Variants in PTPRF observed in about 807,000 individuals in gnomAD.
PTPRF encodes the protein protein tyrosine phosphatase receptor type F, also known as receptor-type tyrosine-protein phosphatase F.
In PTPRF, 59 loss-of-function variants were observed where a neutral mutation model predicts 201.8. The ratio of observed to expected loss-of-function variants is 0.29; its 90% CI spans 0.24 to 0.36. PTPRF has a LOEUF of 0.36. Among genes scored for constraint, PTPRF ranks in the 10% least tolerant of loss-of-function variants. The probability of loss-of-function intolerance (pLI) is 1.00; values close to 1 mark genes in which losing one functional copy is unlikely to be tolerated. For missense variants in PTPRF, 2,132 were observed against 2,690.5 expected (o/e 0.79, Z 4.59); for synonymous variants, 1,088 against 1,089.7 (o/e 1.00, Z 0.03).
At chr1:43,619,236 T>TC in intron 27 of PTPRF, 34 bp downstream of exon 27, 1 of 430,460 alleles carries the variant, frequency 2.3e-6, no homozygotes, top group Non-Finnish European at 4.6e-6. Context: ...GAGGGGTGGG[T>TC]GGGGTGGGAG....
rs756352829 is a variant in PTPRF at position 43,592,467 on chromosome 1, C to A, written c.1679C>A (p.Thr560Asn). 1 of 1,609,764 alleles carries A rather than the reference C, an allele frequency of 6.2e-7. No homozygotes were observed. The highest frequency in any genetic ancestry group is 1.1e-5 in the South Asian group (1 of 90,386). ...AEDEDQQHKV[T>N]FDPTSSYTLE... is the part of the protein sequence containing the mutation. ...CCCTGCTCTTCCCAGCACAAGGTGA[C>A]CTTCGACCCAACCTCCTCCTACACA... is the stretch of plus-strand genomic sequence containing the variant. Residue 560 changes from threonine to asparagine, a missense_variant, in exon 11 of 34, where the codon ACC becomes AAC. By Grantham distance (65) the Thr-to-Asn change is moderately conservative. Transcript: ENST00000359947.
intron 7 of PTPRF, among the ~76,000 whole-genome samples, chr1:43,580,290 G>A (rs1162658006): frequency 3.3e-5 from 5 of 152,190 alleles, no homozygotes; most frequent in Admixed American, 3.3e-4. Flanking sequence ...GAATTAGGCT[G>A]TCAAGGCTGT....
Position 43,617,565 on chromosome 1 carries a change from G to T in PTPRF, c.4192G>T (p.Asp1398Tyr). The change falls in exon 24 of 34, where the codon GAT (aspartate) becomes TAT (tyrosine). Residue 1398 changes from aspartate (D) to tyrosine (Y), a missense_variant. By Grantham distance (160) the Asp-to-Tyr change is radical. Around this residue, in one of 6 missense-constraint regions of PTPRF, gnomAD observed 818 missense variants for 915.3 expected, o/e 0.89. Transcript: ENST00000359947. ...CTCTCGAGTCATCCTTACCTCTATC[G>T]ATGGTGAGCCAAGGGGGTGCCCCTC... The part of the protein sequence containing the change: ...DHSRVILTSI[D>Y]GVPGSDYINA... 1 of 1,613,816 alleles carries T rather than the reference G, an allele frequency of 6.2e-7. No individual in the cohort carries two copies.
At position 43,619,306 on chromosome 1, in the gene PTPRF, C is replaced by T. The variant is rs971268176; in HGVS notation, c.4665C>T (p.Thr1555=). The T allele has an allele frequency of 5.6e-6, 9 of 1,613,336 alleles. No homozygotes were observed. The African/African-American group carries it at 6.7e-5, about 12-fold the overall frequency. Reference sequence around the variant, plus strand: ...CCTGCAGCGCGGGCGTGGGCCGCACCGGCTGCTTCATCGTGATTGATGCCA... The same window carrying T: ...CCTGCAGCGCGGGCGTGGGCCGCACTGGCTGCTTCATCGTGATTGATGCCA... ...VVHCSAGVGR[T]GCFIVIDAML... Residue 1555 remains threonine (T), a synonymous_variant, in exon 28 of 34, where the codon ACC becomes ACT. Transcript: ENST00000359947.
intron 5 of PTPRF, among the ~76,000 whole-genome samples, chr1:43,557,823 T>A (rs1040916112): frequency 5.1e-4 from 77 of 152,044 alleles, no homozygotes; most frequent in African/African-American, 1.7e-3. Context: ...AGTGAGCCCC[T>A]CCTGCTTCTG....
chr1:43,617,927 C>A lies in PTPRF; in HGVS notation c.4371+16C>A. On this transcript the variant is annotated intron_variant, in intron 25 of 33. Coordinates refer to ENST00000359947, the MANE Select transcript of PTPRF (RefSeq NM_002840.5). ...GAAGTCCCGGGTGAGGCTGCAGGGC[C>A]CTGCCAGGAGGCGGGTGGGAAATGC... 1 of 1,594,232 alleles carries A rather than the reference C, an allele frequency of 6.3e-7. No homozygotes were observed. The highest frequency in any genetic ancestry group is 8.6e-7 in the Non-Finnish European group (1 of 1,165,752).
At chr1:43,618,531 C>T in intron 25 of PTPRF, 99 bp from the exon 26 acceptor site, 1 of 1,451,106 alleles carries the variant, frequency 6.9e-7, no homozygotes, top group Non-Finnish European at 9.3e-7. Context: ...GCTTTGTAGC[C>T]AGAAAGGCTA....
intron 5 of PTPRF, among the ~76,000 whole-genome samples, chr1:43,565,259 G>A (rs557661439): frequency 6.6e-6 from 1 of 152,162 alleles, no homozygotes; most frequent in East Asian, 1.9e-4. Context: ...CTGAACCTTG[G>A]ATTCCCACCA....
At chr1:43,610,075 C>T (rs568280405) in intron 22 of PTPRF, among the ~76,000 whole-genome samples, 1 of 152,298 alleles carries the variant, frequency 6.6e-6, no homozygotes, top group South Asian at 2.1e-4. Context: ...TCTCCTCTTG[C>T]CCACACCCCC....
upstream of PTPRF, among the ~76,000 whole-genome samples, chr1:43,523,769 G>A (rs1337576145): frequency 3.3e-5 from 5 of 152,118 alleles, no homozygotes; most frequent in South Asian, 4.1e-4. Context: ...GGCTGGGGCC[G>A]GGCATGGTGG....
At chr1:43,563,401 C>G (rs1040894093) in intron 5 of PTPRF, among the ~76,000 whole-genome samples, 2 of 151,988 alleles carry the variant, frequency 1.3e-5, no homozygotes, top group African/African-American at 4.8e-5. Flanking sequence ...AGGGAGGTGT[C>G]AAAGAGGCCT....
chr1:43,613,548 T>C, intron 22 of PTPRF, 70 bp from the exon 23 acceptor site: 1 of 1,281,914 alleles, frequency 7.8e-7, no homozygotes, highest in Non-Finnish European at 1.1e-6. Flanking sequence ...CATACATGCG[T>C]TGGGGCTTTC....
chr1:43,606,501 G>A (rs1159013475), intron 20 of PTPRF, 43 bp downstream of exon 20: 1 of 1,561,218 alleles, frequency 6.4e-7, no homozygotes, highest in Admixed American at 1.7e-5. Context: ...TGATTCCCTG[G>A]GCCTGGCCTG....
intron 11 of PTPRF, among the ~76,000 whole-genome samples, chr1:43,593,360 C>G (rs146028661): frequency 6.6e-6 from 1 of 152,164 alleles, no homozygotes; most frequent in African/African-American, 2.4e-5. Context: ...GTGGGCGACT[C>G]TGGCCTGATC....
In PTPRF at chr1:43,591,035, C is replaced by T. The variant is rs1570395886; in HGVS notation, c.1013C>T (p.Thr338Ile). Residue 338 changes from threonine to isoleucine, a missense_variant, in exon 9 of 34, where the codon ACC (threonine) becomes ATC (isoleucine). Physicochemically the swap from Thr to Ile is moderately conservative, Grantham distance 89. This residue lies in a region of PTPRF where 351 missense variants were observed against 401.7 expected (regional missense o/e 0.87). Coordinates refer to ENST00000359947, the MANE Select transcript of PTPRF (RefSeq NM_002840.5). ...ACAACTGCCACCAGTGTCACCCTCACCTGGGACTCTGGGAACTCGGAGCCT... is the reference window on the plus strand; with the variant it reads ...ACAACTGCCACCAGTGTCACCCTCATCTGGGACTCTGGGAACTCGGAGCCT... ...TETTATSVTL[T>I]WDSGNSEPVT... The T allele has an allele frequency of 6.2e-7, 1 of 1,614,080 alleles. No individual in the cohort carries two copies. The highest frequency in any genetic ancestry group is 8.5e-7 in the Non-Finnish European group (1 of 1,180,024).
chr1:43,621,703 G>A (rs1659255710), intron 33 of PTPRF, among the ~76,000 whole-genome samples: 1 of 152,128 alleles, frequency 6.6e-6, no homozygotes. Flanking sequence ...AACATGATTG[G>A]GATGGCAGAT....
At chr1:43,536,076 T>C (rs2153953242) in intron 1 of PTPRF, among the ~76,000 whole-genome samples, 1 of 152,298 alleles carries the variant, frequency 6.6e-6, no homozygotes, top group Non-Finnish European at 1.5e-5. Context: ...GCCAGCAGTG[T>C]GATTTCTAAC....
chr1:43,591,615 G>A (rs1468831201), intron 9 of PTPRF, 62 bp downstream of exon 9: 6 of 1,484,244 alleles, frequency 4.0e-6, no homozygotes, highest in East Asian at 2.5e-5. Flanking sequence ...AGGTTGTGGC[G>A]GTGCCTTTCC....
In PTPRF at chr1:43,553,679, G is replaced by T. The variant is rs1645170727; in HGVS notation, c.237+42G>T. The T allele has an allele frequency of 6.2e-7, 1 of 1,611,758 alleles. No individual in the cohort carries two copies. The highest frequency in any genetic ancestry group is 8.5e-7 in the Non-Finnish European group (1 of 1,178,730). On this transcript the variant is annotated intron_variant, in intron 4 of 33. Coordinates refer to ENST00000359947, the MANE Select transcript of PTPRF (RefSeq NM_002840.5). This position sits in a 1 kb window ranked among gnomAD's most constrained non-coding sequence, Gnocchi z 4.1. ...AAGGGGTCGGCAGGGCTCAGGGTCT[G>T]CCCACACTCTCTCCTTTCAGTGTCC...
Sources: gnomAD v4.1 joint callset for allele counts (sites outside exome capture counted in the v4.1 genomes callset) on GRCh38, gnomAD v4.1.1 for gene constraint, gnomAD v4.1.1 regional missense constraint, Gnocchi (gnomAD v3.1) non-coding constraint, MANE v1.5 for transcripts, NCBI Gene and HGNC (gene_info 2026-07-23, HGNC 2026-07-21) for gene names.